The following COL24A1 variants were observed in gnomAD, a reference collection of about 807,000 sequenced individuals.
The protein encoded by COL24A1 is collagen alpha-1(XXIV) chain.
COL24A1 carries 224 observed loss-of-function variants against 253.9 expected under a neutral mutation model. That is an observed-to-expected ratio of 0.88 (90% CI 0.79 to 0.99). The LOEUF (loss-of-function observed/expected upper bound fraction) is 0.99. Ranked by LOEUF, COL24A1 falls within the 50% of genes least tolerant of loss-of-function variation. The pLI, the probability that COL24A1 is intolerant of heterozygous loss-of-function variation, is 0.00. For synonymous variants in COL24A1, 685 were observed against 673.7 expected, an observed-to-expected ratio of 1.02 and a Z score of -0.26; for missense variants, 2,131 against 2,068.5, an observed-to-expected ratio of 1.03 and a Z score of -0.59.
At chr1:85,952,667 T>C (rs571534146) in intron 24 of COL24A1, among the ~76,000 whole-genome samples, 49 of 152,338 alleles carry the variant, frequency 3.2e-4, no homozygotes, top group African/African-American at 1.1e-3. Context: ...CTGTCTGTTT[T>C]TGTAAATAAA....
chr1:85,971,070 G>C (rs1012830767), intron 21 of COL24A1, among the ~76,000 whole-genome samples: 2 of 152,070 alleles, frequency 1.3e-5, no homozygotes, highest in Admixed American at 1.3e-4. Context: ...AATTAGCCAG[G>C]CATGGTGGTG....
At chr1:86,010,729 G>A (rs977755777) in intron 19 of COL24A1, among the ~76,000 whole-genome samples, 2 of 151,984 alleles carry the variant, frequency 1.3e-5, no homozygotes, top group East Asian at 3.9e-4. Flanking sequence ...TGAATAAACT[G>A]ATACATCCAC....
intron 43 of COL24A1, among the ~76,000 whole-genome samples, chr1:85,838,313 G>A (rs988476113): frequency 6.6e-6 from 1 of 152,178 alleles, no homozygotes; most frequent in African/African-American, 2.4e-5. Flanking sequence ...ATGGTCCAGA[G>A]TGATTGTTCT....
At chr1:85,745,319 A>T (rs1334831772) in intron 56 of COL24A1, 122 bp downstream of exon 56, 1 of 544,388 alleles carries the variant, frequency 1.8e-6, no homozygotes, top group Non-Finnish European at 3.1e-6. Context: ...ATGGTTTCAC[A>T]TTTTCAATCT....
rs776117773 is a variant in COL24A1, at chr1:85,838,556, C to A, written c.3681+29G>T. 4.4e-6 allele frequency: 7 copies of A among 1,593,176 alleles called. No individual in the cohort carries two copies. The South Asian group carries it at 7.8e-5, about 18-fold the overall frequency. The stretch of plus-strand genomic sequence containing the variant: ...AAACACAGAGAACCCTATTTAAATT[C>A]ATTAGTAAGGGGTATAACTTGCAAT... On this transcript the variant is annotated intron_variant, in intron 43 of 59. Transcript: ENST00000370571.
chr1:85,839,104 CA>C (rs1227931603), intron 42 of COL24A1, among the ~76,000 whole-genome samples: 1 of 151,906 alleles, frequency 6.6e-6, no homozygotes, highest in African/African-American at 2.4e-5. Context: ...GGAGCTGAAG[CA>C]GGGGGAACAC....
chr1:86,084,816 T>C (rs770831547), intron 7 of COL24A1, among the ~76,000 whole-genome samples: 34 of 152,202 alleles, frequency 2.2e-4, no homozygotes, highest in Non-Finnish European at 4.6e-4. Flanking sequence ...AGTTCAGCAC[T>C]GTGATACCTT....
At chr1:85,770,840 C>T (rs1228174069) in intron 53 of COL24A1, among the ~76,000 whole-genome samples, 1 of 152,160 alleles carries the variant, frequency 6.6e-6, no homozygotes, top group African/African-American at 2.4e-5. Context: ...TCATCATTGT[C>T]TCTAACTGGC....
intron 53 of COL24A1, among the ~76,000 whole-genome samples, chr1:85,767,584 G>C (rs1031536444): frequency 3.9e-5 from 6 of 151,934 alleles, no homozygotes; most frequent in African/African-American, 1.4e-4. Context: ...TTTAGTATCA[G>C]TTATCAGTTA....
chr1:85,986,811 G>A (rs72956221), intron 20 of COL24A1, among the ~76,000 whole-genome samples: 2 of 151,658 alleles, frequency 1.3e-5, no homozygotes, highest in African/African-American at 4.8e-5. Flanking sequence ...TACTCCCATT[G>A]ATACCTCCAT....
At position 85,917,227 on chromosome 1, in the gene COL24A1, C is replaced by T. The variant is rs774087501; in HGVS notation, c.2563-5794G>A. Among the ~76,000 whole-genome samples, 109 of 152,232 alleles carry T rather than the reference C, an allele frequency of 7.2e-4. 1 individual carries two copies. Among genetic ancestry groups the T allele is most frequent in the Admixed American group, 1.6e-3 (24 of 15,286 alleles). On this transcript the variant is annotated intron_variant, in intron 24 of 59. Transcript: ENST00000370571. ...ATGTGTTTTGTGCAAAATTTTAAAA[C>T]GCATACAATAATCTAATTTCTTACT... is the stretch of plus-strand genomic sequence containing the variant.
chr1:86,053,222 C>A (rs1700439207), intron 10 of COL24A1, among the ~76,000 whole-genome samples: 3 of 151,902 alleles, frequency 2.0e-5, no homozygotes, highest in African/African-American at 7.2e-5. Flanking sequence ...TTAATATATA[C>A]AACAGGAGTT....
rs548092845 is a variant in COL24A1 at position 85,735,593 on chromosome 1, G to A, written c.4783-629C>T. Reference sequence around the variant, plus strand: ...TGTAGTTTCATTCACACAGTGAATCGTCAATAAATATTTATTGAATGAATG... The same window carrying A: ...TGTAGTTTCATTCACACAGTGAATCATCAATAAATATTTATTGAATGAATG... On this transcript the variant is annotated intron_variant, in intron 58 of 59. Coordinates refer to ENST00000370571, the MANE Select transcript of COL24A1 (RefSeq NM_152890.7). Among the ~76,000 whole-genome samples the A allele has an allele frequency of 1.8e-4, 28 of 151,914 alleles. No individual in the cohort carries two copies. In the East Asian group the frequency reaches 2.3e-3, roughly 13 times the overall value.
chr1:85,868,610 C>G lies in COL24A1; in HGVS notation c.3209G>C (p.Arg1070Thr), dbSNP rs1157367285. The stretch of plus-strand genomic sequence containing the variant: ...TTCTCCATCCTCTCCAGGAAGTCCC[C>G]TTCCTCCTGGTACTCCCTGTAATGC... ...KDGLKGVPGG[R>T]GLPGEDGEKG... The change falls in exon 37 of 60, where the codon AGG (arginine) becomes ACG (threonine). Residue 1070 changes from arginine to threonine, a missense_variant. Arg to Thr is a moderately conservative substitution (Grantham distance 71). Coordinates refer to ENST00000370571, the MANE Select transcript of COL24A1 (RefSeq NM_152890.7). 6.2e-7 allele frequency: 1 copy of G among 1,613,626 alleles called. No individual in the cohort carries two copies. Among genetic ancestry groups the G allele is most frequent in the African/African-American group, 1.3e-5 (1 of 75,004 alleles).
At chr1:85,934,580 C>T (rs1688093047) in intron 24 of COL24A1, among the ~76,000 whole-genome samples, 1 of 152,122 alleles carries the variant, frequency 6.6e-6, no homozygotes, top group African/African-American at 2.4e-5. Flanking sequence ...TCAATTTAGA[C>T]ATCACTAATA....
chr1:85,809,532 C>T (rs1246387441), intron 47 of COL24A1, among the ~76,000 whole-genome samples: 1 of 151,894 alleles, frequency 6.6e-6, no homozygotes, highest in Non-Finnish European at 1.5e-5. Flanking sequence ...GGGTGAAGTT[C>T]CAGGAATAAT....
chr1:85,926,305 C>T (rs1687206867), intron 24 of COL24A1, among the ~76,000 whole-genome samples: 1 of 152,184 alleles, frequency 6.6e-6, no homozygotes, highest in African/African-American at 2.4e-5. Context: ...TACCATTTGA[C>T]CCAGCAATCC....
chr1:86,142,182 C>T (rs1215454514), intron 2 of COL24A1, among the ~76,000 whole-genome samples: 1 of 149,574 alleles, frequency 6.7e-6, no homozygotes, highest in Non-Finnish European at 1.5e-5. Context: ...GAAACGAGAA[C>T]AGGATGAAAA....
intron 53 of COL24A1, among the ~76,000 whole-genome samples, chr1:85,763,689 T>C (rs886080895): frequency 2.0e-5 from 3 of 151,738 alleles, no homozygotes; most frequent in African/African-American, 4.8e-5. Flanking sequence ...GACATGGGGT[T>C]TCATCATGTT....
Sources: gnomAD v4.1 joint callset for allele counts (sites outside exome capture counted in the v4.1 genomes callset) on GRCh38, gnomAD v4.1.1 for gene constraint, MANE v1.5 for transcripts, NCBI Gene and HGNC (gene_info 2026-07-23, HGNC 2026-07-21) for gene names.